GBGT1: variants seen among roughly 807,000 people sequenced by gnomAD.
GBGT1 encodes the protein globoside alpha-1,3-N-acetylgalactosaminyltransferase 1 (FORS blood group), also known as globoside alpha-1,3-N-acetylgalactosaminyltransferase 1.
Under a neutral mutation model 20.9 loss-of-function variants are expected in GBGT1, and 18 were observed. The observed-to-expected ratio is 0.86, with a 90% CI of 0.60 to 1.28. The LOEUF is 1.28. Among genes scored for constraint, GBGT1 ranks in the 50% most tolerant of loss-of-function variants. GBGT1 has a pLI of 0.00. For synonymous variants in GBGT1, 168 were observed against 180.8 expected (o/e 0.93, Z 0.57); for missense variants, 432 against 455.7 (o/e 0.95, Z 0.47).
chr9:133,160,954 G>A, intron 3 of GBGT1: 1 of 313,966 alleles, frequency 3.2e-6, no homozygotes, highest in African/African-American at 2.1e-5. Flanking sequence ...AGGTTGCTGT[G>A]AGCCAAGATC....
chr9:133,156,244 A>C, intron 3 of GBGT1, 179 bp from the exon 4 acceptor site: 1 of 658,802 alleles, frequency 1.5e-6, no homozygotes. Context: ...CCCCTACAGA[A>C]GTGATCTGTC....
chr9:133,158,377 C>T (rs936273608), intron 3 of GBGT1, among the ~76,000 whole-genome samples: 1 of 152,124 alleles, frequency 6.6e-6, no homozygotes, highest in Non-Finnish European at 1.5e-5. Context: ...TGCCTGAGCT[C>T]AAGCGGTCCT....
At chr9:133,161,444 C>G in intron 3 of GBGT1, 23 bp downstream of exon 3, 1 of 1,558,572 alleles carries the variant, frequency 6.4e-7, no homozygotes, top group East Asian at 2.2e-5. Context: ...GCCCCCAGTT[C>G]TCCTAGCCAC....
chr9:133,161,546 AAAG>A lies in GBGT1; in HGVS notation c.72-17_72-15del, dbSNP rs755106175. On this transcript the variant is annotated splice_polypyrimidine_tract_variant and intron_variant, in intron 2 of 6. Coordinates refer to ENST00000372040, the MANE Select transcript of GBGT1 (RefSeq NM_021996.6). ...TCAAGATACACCCTGTGAATAAAAA[AAAG>A]AAAAAAAATCTGTTGATCCACTCTG... 3 of 1,591,758 alleles carry A rather than the reference AAAG, an allele frequency of 1.9e-6. No homozygotes were observed. Among genetic ancestry groups the A allele is most frequent in the Non-Finnish European group, 8.6e-7 (1 of 1,165,946 alleles).
At chr9:133,159,556 C>T (rs1226735038) in intron 3 of GBGT1, among the ~76,000 whole-genome samples, 1 of 152,246 alleles carries the variant, frequency 6.6e-6, no homozygotes, top group Non-Finnish European at 1.5e-5. Context: ...CCGGCAGGGG[C>T]GAGTTGGGAC....
chr9:133,157,975 T>C (rs746090507), intron 3 of GBGT1, among the ~76,000 whole-genome samples: 2 of 152,010 alleles, frequency 1.3e-5, no homozygotes, highest in Non-Finnish European at 2.9e-5. Context: ...TGAAACCCCA[T>C]TTCTACTAAA....
Position 133,155,874 on chromosome 9 carries a change from C to T in GBGT1, c.224+27G>A, listed in dbSNP as rs746374893. 10 of 1,612,710 alleles carry T rather than the reference C, an allele frequency of 6.2e-6. No homozygotes were observed. In the South Asian group the frequency reaches 6.6e-5, roughly 11 times the overall value. On this transcript the variant is annotated intron_variant, in intron 5 of 6. Coordinates refer to ENST00000372040, the MANE Select transcript of GBGT1 (RefSeq NM_021996.6). Reference sequence around the variant, plus strand: ...AGCTCTTTTGTCCTTTTCCCCCGCCCCCATCAGGCCTCTCCATGACACCTA... The same window carrying T: ...AGCTCTTTTGTCCTTTTCCCCCGCCTCCATCAGGCCTCTCCATGACACCTA...
At chr9:133,163,008 C>G (rs1425101707) in intron 1 of GBGT1, 1 of 154,502 alleles carries the variant, frequency 6.5e-6, no homozygotes, top group Non-Finnish European at 1.4e-5. Context: ...TTCCAGCTGT[C>G]CTTTGGGAGA....
At chr9:133,156,114 G>C in intron 3 of GBGT1, 49 bp from the exon 4 acceptor site, 2 of 1,606,138 alleles carry the variant, frequency 1.2e-6, no homozygotes, top group Non-Finnish European at 1.7e-6. Flanking sequence ...TGGGGACAGA[G>C]ACACTCAGCA....
chr9:133,162,544 C>A lies in GBGT1; in HGVS notation c.-120-12G>T. On this transcript the variant is annotated splice_polypyrimidine_tract_variant and intron_variant, in intron 1 of 6. Coordinates refer to ENST00000372040, the MANE Select transcript of GBGT1 (RefSeq NM_021996.6). ...GGTCCCAGGAACACCTGCAAAGGAA[C>A]ACTTTTGTTGTTTTGAGATAGAGTT... 1 of 722,058 alleles carries A rather than the reference C, an allele frequency of 1.4e-6. No homozygotes were observed. The highest frequency in any genetic ancestry group is 2.5e-6 in the Non-Finnish European group (1 of 407,238). 44.7% of individuals were successfully genotyped at this position (722,058 alleles called of 1,614,324 possible). A position where few individuals can be genotyped will look rare whatever the true frequency, so the allele number is the denominator to read the frequency against.
At chr9:133,158,273 TTTTC>T (rs1213847717) in intron 3 of GBGT1, among the ~76,000 whole-genome samples, 20 of 152,118 alleles carry the variant, frequency 1.3e-4, no homozygotes, top group African/African-American at 4.8e-4. Flanking sequence ...TGTAAGTTTC[TTTTC>T]TTTCTTTCTT....
intron 2 of GBGT1, 120 bp from the exon 3 acceptor site, chr9:133,161,652 C>G (rs1833048639): frequency 1.9e-5 from 12 of 646,516 alleles, no homozygotes; most frequent in Middle Eastern, 2.8e-4. Flanking sequence ...GGCCAGGTCC[C>G]CTGTCATTCT....
At chr9:133,158,203 C>A (rs1029307457) in intron 3 of GBGT1, among the ~76,000 whole-genome samples, 1 of 152,194 alleles carries the variant, frequency 6.6e-6, no homozygotes, top group Admixed American at 6.5e-5. Context: ...GGCCGACTGT[C>A]CCCAGGCAGA....
chr9:133,161,009 C>T (rs1432728565), intron 3 of GBGT1: 2 of 344,106 alleles, frequency 5.8e-6, no homozygotes, highest in Non-Finnish European at 9.9e-6. Context: ...GACTCTGACT[C>T]AAGAAAAAAA....
In GBGT1 at chr9:133,153,593, C is replaced by G. The variant is rs1470874270; in HGVS notation, c.1028G>C (p.Ser343Thr). The change falls in exon 7 of 7, where the codon AGC becomes ACC. Residue 343 changes from serine to threonine, a missense_variant. By Grantham distance (58) the Ser-to-Thr change is moderately conservative (BLOSUM62 1). Transcript: ENST00000372040. ...GCTCCGTGGTCAGCTCCTCAGGCAG[C>G]TGATATCCTTGTCCAGTGTAGAAAA... ...IRFSTLDKDI[S>T]CLRS The G allele has an allele frequency of 1.3e-6, 2 of 1,544,122 alleles. No homozygotes were observed. The highest frequency in any genetic ancestry group is 1.7e-6 in the Non-Finnish European group (2 of 1,144,644).
intron 3 of GBGT1, among the ~76,000 whole-genome samples, chr9:133,156,490 T>A (rs1466719809): frequency 2.0e-5 from 3 of 151,956 alleles, no homozygotes; most frequent in African/African-American, 7.3e-5. Context: ...TGAAACCTCG[T>A]CTCTACTAAA....
In GBGT1 at chr9:133,153,538, T is replaced by G. The variant is rs1588580799; in HGVS notation, c.*39A>C. On this transcript the variant is annotated 3_prime_UTR_variant, in exon 7 of 7. Coordinates refer to ENST00000372040, the MANE Select transcript of GBGT1 (RefSeq NM_021996.6). ...CTAGTGAAGCACTGGTGGCTGCAGG[T>G]CTTTGGGTCCCCATCCATGGCAACC... The G allele has an allele frequency of 4.9e-6, 7 of 1,425,704 alleles. No homozygotes were observed. Among genetic ancestry groups the G allele is most frequent in the Non-Finnish European group, 6.7e-6 (7 of 1,052,452 alleles). The allele number at this position is 1,425,704 out of a possible 1,614,324, so 88.3% of individuals were successfully genotyped here. A position where few individuals can be genotyped will look rare whatever the true frequency, so the allele number is the denominator to read the frequency against.
chr9:133,161,604 C>CTCCCAATGACGTGCAT, intron 2 of GBGT1, 72 bp from the exon 3 acceptor site: 1 of 1,058,360 alleles, frequency 9.4e-7, no homozygotes, highest in Non-Finnish European at 1.4e-6. Context: ...ACCTCATGCA[C>CTCCCAATGACGTGCAT]GTCATTGGGA....
chr9:133,155,230 T>C lies in GBGT1; in HGVS notation c.307A>G (p.Ile103Val). 1 of 1,613,972 alleles carries C rather than the reference T, an allele frequency of 6.2e-7. No individual in the cohort carries two copies. The highest frequency in any genetic ancestry group is 1.3e-5 in the African/African-American group (1 of 74,990). ...GTFNPELLQH[I>V]YQPLNLTIGV... ...ATGGTCAGGTTCAGTGGCTGGTAGA[T>C]GTGCTGCAGAAGCTCTGGGTTGAAG... is the stretch of plus-strand genomic sequence containing the variant. Residue 103 changes from isoleucine (I) to valine (V), a missense_variant, in exon 6 of 7, where the codon ATC becomes GTC. Coordinates refer to ENST00000372040, the MANE Select transcript of GBGT1 (RefSeq NM_021996.6).
Sources: gnomAD v4.1 joint callset for allele counts (sites outside exome capture counted in the v4.1 genomes callset) on GRCh38, gnomAD v4.1.1 for gene constraint, MANE v1.5 for transcripts, NCBI Gene and HGNC (gene_info 2026-07-23, HGNC 2026-07-21) for gene names.